The following MAGEB16 variants were observed in gnomAD, a reference collection of about 807,000 sequenced individuals.
The protein encoded by MAGEB16 is melanoma-associated antigen B16.
For missense variants in MAGEB16, 217 were observed against 234.0 expected, an observed-to-expected ratio of 0.93 and a Z score of 0.47; for synonymous variants, 95 against 92.1, an observed-to-expected ratio of 1.03 and a Z score of -0.18.
rs1359405806 is a variant in MAGEB16, at chrX:35,802,638, G to T, written c.442G>T (p.Glu148Ter). The T allele has an allele frequency of 8.3e-7, 1 of 1,209,026 alleles. No homozygotes were observed. The highest frequency in any genetic ancestry group is 1.8e-5 in the African/African-American group (1 of 57,128). The change falls in exon 2 of 2, where the codon GAG becomes TAG. Residue 148 changes from glutamate to a stop codon, truncating the protein, a stop_gained. Transcript: ENST00000399988. LOFTEE classifies it low-confidence loss of function (END_TRUNC). ...GTTGAAGATTATCATCAAAGATGAT[G>T]AGAGCCACTTCTCTGAGATCCTCCT...
exon 1 of MAGEB16, chrX:35,798,342 T>C: frequency 9.4e-6 from 1 of 106,225 alleles, no homozygotes; most frequent in Non-Finnish European, 1.9e-5. Context: ...GTCCGAGGAC[T>C]GTGACGACCT....
chrX:35,800,702 C>T, intron 1 of MAGEB16: 1 of 468,012 alleles, frequency 2.1e-6, no homozygotes, highest in Non-Finnish European at 3.8e-6. Context: ...CTACTTATTT[C>T]CTGTTCAGTG....
intron 1 of MAGEB16, among the ~76,000 whole-genome samples, chrX:35,800,861 A>G (rs1375605692): frequency 9.0e-6 from 1 of 111,537 alleles, no homozygotes; most frequent in Middle Eastern, 4.2e-3. Context: ...TGCTTATTTC[A>G]TACACTGGGG....
chrX:35,802,191 G>A (rs754664280), exon 2 of MAGEB16: 3 of 1,211,109 alleles, frequency 2.5e-6, no homozygotes, highest in Non-Finnish European at 3.4e-6. Flanking sequence ...ACCCACAAGG[G>A]TCATCATGTC....
chrX:35,802,363 C>A (rs748340398), exon 2 of MAGEB16: 2 of 1,208,994 alleles, frequency 1.7e-6, no homozygotes, highest in Non-Finnish European at 2.2e-6. Flanking sequence ...GCTCCTGCTG[C>A]TAAGGCAGAG....
intron 1 of MAGEB16, among the ~76,000 whole-genome samples, chrX:35,800,833 C>A (rs1934856436): frequency 1.8e-5 from 2 of 111,537 alleles, no homozygotes; most frequent in Admixed American, 9.5e-5. Flanking sequence ...AAAGAGTAAT[C>A]GCCACAGAGC....
At chrX:35,802,353 G>C (rs1192678389) in exon 2 of MAGEB16, 1 of 1,207,136 alleles carries the variant, frequency 8.3e-7, no homozygotes, top group Non-Finnish European at 1.1e-6. Flanking sequence ...ACTGAAGGAA[G>C]CTCCTGCTGC....
intron 1 of MAGEB16, among the ~76,000 whole-genome samples, chrX:35,799,016 G>A (rs916868804): frequency 1.8e-5 from 2 of 109,006 alleles, no homozygotes; most frequent in Non-Finnish European, 3.8e-5. Flanking sequence ...GACTACAGGT[G>A]CCCGCCACCA....
chrX:35,798,845 G>A (rs1426592546), intron 1 of MAGEB16: 2 of 111,140 alleles, frequency 1.8e-5, no homozygotes, highest in African/African-American at 3.3e-5. Context: ...GGCCCTGCAG[G>A]AGTCCAGGTG....
At chrX:35,800,466 C>G in intron 1 of MAGEB16, 2 of 523,689 alleles carry the variant, frequency 3.8e-6, no homozygotes, top group Non-Finnish European at 7.0e-6. Context: ...GATGTCTAAT[C>G]TCTTCCTTTA....
At chrX:35,799,677 T>G (rs1934846067) in intron 1 of MAGEB16, among the ~76,000 whole-genome samples, 1 of 111,492 alleles carries the variant, frequency 9.0e-6, no homozygotes, top group Admixed American at 9.5e-5. Context: ...CAAACAGAGA[T>G]AGCCAGATGA....
At chrX:35,802,648 T>G (rs1177883248) in exon 2 of MAGEB16, 5 of 1,209,233 alleles carry the variant, frequency 4.1e-6, no homozygotes, top group Non-Finnish European at 5.6e-6. Flanking sequence ...GAGAGCCACT[T>G]CTCTGAGATC....
At chrX:35,803,083 A>C in exon 2 of MAGEB16, 1 of 1,211,537 alleles carries the variant, frequency 8.3e-7, no homozygotes. Flanking sequence ...TTTGTGGCCA[A>C]AGTTCATGGG....
intron 1 of MAGEB16, 143 bp from the exon 2 acceptor site, chrX:35,801,988 G>A (rs1934865325): frequency 6.8e-6 from 3 of 439,127 alleles, no homozygotes; most frequent in Admixed American, 4.2e-5. Flanking sequence ...CAGGTTCTTG[G>A]TAGACCCAGA....
At chrX:35,799,090 G>A (rs1400387120) in intron 1 of MAGEB16, among the ~76,000 whole-genome samples, 4 of 101,852 alleles carry the variant, frequency 3.9e-5, no homozygotes, top group African/African-American at 1.5e-4. Flanking sequence ...CACCGTTTTA[G>A]CCAGGATGGT....
exon 2 of MAGEB16, chrX:35,802,920 A>G (rs1470311436): frequency 8.2e-7 from 1 of 1,212,162 alleles, no homozygotes. Flanking sequence ...GAAGCACTTC[A>G]TCTTTGGAGA....
In MAGEB16 at chrX:35,803,445, T is replaced by A. The variant is rs756673801; in HGVS notation, c.*274T>A. ...TTTCTTTTAATAGAAGTTTAGGTAG[T>A]TTCCAGATCTCTTAAGTTTTGAATA... is the stretch of plus-strand genomic sequence containing the variant. On this transcript the variant is annotated 3_prime_UTR_variant, in exon 2 of 2. Coordinates refer to ENST00000399988, the Ensembl canonical transcript of MAGEB16. 1.9e-5 allele frequency: 5 copies of A among 260,370 alleles called. No individual in the cohort carries two copies. In the East Asian group the frequency reaches 3.2e-4, roughly 16 times the overall value. The allele number at this position is 260,370 out of a possible 1,213,427, so 21.5% of individuals were successfully genotyped here. A position where few individuals can be genotyped will look rare whatever the true frequency, so the allele number is the denominator to read the frequency against.
chrX:35,800,039 G>C (rs1934849353), intron 1 of MAGEB16, among the ~76,000 whole-genome samples: 1 of 111,162 alleles, frequency 9.0e-6, no homozygotes, highest in Non-Finnish European at 1.9e-5. Context: ...CCAGAACATA[G>C]GTGGCCCCAC....
exon 2 of MAGEB16, chrX:35,803,595 A>G (rs745502261): frequency 7.8e-6 from 1 of 128,579 alleles, no homozygotes; most frequent in South Asian, 3.6e-4. Context: ...ATTACTAAGA[A>G]CTCTGCTTTT....
Sources: allele counts gnomAD v4.1 joint callset (sites outside exome capture counted in the v4.1 genomes callset), GRCh38; gene constraint gnomAD v4.1.1; transcripts MANE v1.5; gene names NCBI Gene and HGNC (gene_info 2026-07-23, HGNC 2026-07-21).